The following DAB1 variants were observed in gnomAD, a reference collection of about 807,000 sequenced individuals.
DAB1 encodes disabled homolog 1.
In DAB1, 15 loss-of-function variants were observed where a neutral mutation model predicts 64.6. That is an observed-to-expected ratio of 0.23 (90% confidence interval 0.16 to 0.36). The LOEUF is 0.36. DAB1 is among the 10% of genes least tolerant of loss of function. DAB1 has a pLI of 1.00. For synonymous variants in DAB1, 235 were observed against 251.9 expected (o/e 0.93, Z 0.64); for missense variants, 596 against 706.7 (o/e 0.84, Z 1.78).
At chr1:58,298,724 G>A (rs1662048777) in intron 4 of DAB1, among the ~76,000 whole-genome samples, 1 of 152,348 alleles carries the variant, frequency 6.6e-6, no homozygotes, top group Middle Eastern at 3.4e-3. Context: ...GGCCCAGGCC[G>A]AAGGCTGACT....
intron 7 of DAB1, among the ~76,000 whole-genome samples, chr1:57,449,919 C>T (rs904078781): frequency 6.6e-6 from 1 of 152,182 alleles, no homozygotes; most frequent in Non-Finnish European, 1.5e-5. Context: ...AACTATATAG[C>T]AGGCTCTGTA....
At chr1:58,524,064 G>A (rs1473478299) in intron 2 of DAB1, among the ~76,000 whole-genome samples, 1 of 152,142 alleles carries the variant, frequency 6.6e-6, no homozygotes, top group African/African-American at 2.4e-5. Flanking sequence ...TTCCTTAGAG[G>A]CTCAGGGGTT....
intron 3 of DAB1, among the ~76,000 whole-genome samples, chr1:58,479,618 C>T (rs1645453108): frequency 6.6e-6 from 1 of 152,134 alleles, no homozygotes; most frequent in Admixed American, 6.6e-5. Flanking sequence ...CTACAGAAAA[C>T]ACAAGTGGTC....
intron 5 of DAB1, among the ~76,000 whole-genome samples, chr1:58,130,504 T>C (rs1266892179): frequency 1.3e-5 from 2 of 152,126 alleles, no homozygotes; most frequent in Admixed American, 6.5e-5. Context: ...GTCATTATGA[T>C]GTTAGCTGGT....
At chr1:57,316,018 C>T (rs1409862107) in intron 1 of DAB1, among the ~76,000 whole-genome samples, 1 of 152,114 alleles carries the variant, frequency 6.6e-6, no homozygotes, top group Non-Finnish European at 1.5e-5. Flanking sequence ...TATTACCACC[C>T]CAATTTAAAG....
At chr1:58,470,650 T>C (rs1645347472) in intron 3 of DAB1, among the ~76,000 whole-genome samples, 1 of 152,178 alleles carries the variant, frequency 6.6e-6, no homozygotes, top group South Asian at 2.1e-4. Context: ...CTTTTTTGCC[T>C]ATTGTTTGGG....
chr1:58,224,760 G>A (rs533033089), intron 4 of DAB1, among the ~76,000 whole-genome samples: 22 of 152,152 alleles, frequency 1.4e-4, no homozygotes, highest in Non-Finnish European at 2.6e-4. Flanking sequence ...CTAGCCATAT[G>A]TAGAAAGCTG....
At chr1:57,189,765 G>T (rs1163853032) in intron 2 of DAB1, among the ~76,000 whole-genome samples, 1 of 151,720 alleles carries the variant, frequency 6.6e-6, no homozygotes, top group Non-Finnish European at 1.5e-5. Context: ...TAAAAAGACA[G>T]GCAGGCTTGC....
At chr1:57,724,870 G>A (rs1647190872) in intron 6 of DAB1, among the ~76,000 whole-genome samples, 2 of 152,144 alleles carry the variant, frequency 1.3e-5, no homozygotes. Context: ...CCACCTATGT[G>A]GCACAGTGTC....
At chr1:57,836,747 G>A (rs753499055) in intron 1 of DAB1, among the ~76,000 whole-genome samples, 8 of 152,130 alleles carry the variant, frequency 5.3e-5, no homozygotes, top group Non-Finnish European at 5.9e-5. Context: ...AACAGAGATC[G>A]TATCTTTTTT....
intron 6 of DAB1, among the ~76,000 whole-genome samples, chr1:57,686,691 A>C (rs879210346): frequency 6.6e-6 from 1 of 152,190 alleles, no homozygotes; most frequent in African/African-American, 2.4e-5. Flanking sequence ...AGCACATATA[A>C]AAGTTAATAC....
At chr1:58,450,227 A>C (rs1645117449) in intron 3 of DAB1, among the ~76,000 whole-genome samples, 1 of 152,222 alleles carries the variant, frequency 6.6e-6, no homozygotes, top group Non-Finnish European at 1.5e-5. Flanking sequence ...ACTTCAAGTA[A>C]GAGCAAACTG....
intron 3 of DAB1, among the ~76,000 whole-genome samples, chr1:58,347,147 G>T (rs1050439253): frequency 6.6e-6 from 1 of 152,102 alleles, no homozygotes; most frequent in Non-Finnish European, 1.5e-5. Context: ...CGCTCTTGTT[G>T]CCCAGACTGG....
At chr1:57,210,125 C>T (rs933309309) in intron 2 of DAB1, among the ~76,000 whole-genome samples, 3 of 152,088 alleles carry the variant, frequency 2.0e-5, no homozygotes, top group African/African-American at 2.4e-5. Flanking sequence ...ATGTCTAAAA[C>T]GGTGCTTAAA....
At chr1:57,151,792 C>G (rs532985414) in intron 2 of DAB1, among the ~76,000 whole-genome samples, 3 of 140,304 alleles carry the variant, frequency 2.1e-5, no homozygotes, top group African/African-American at 8.0e-5. Context: ...CTGAAAATTT[C>G]TTTTCTAATG....
At chr1:57,389,416 C>T (rs1221304889) in intron 1 of DAB1, among the ~76,000 whole-genome samples, 1 of 152,146 alleles carries the variant, frequency 6.6e-6, no homozygotes, top group Non-Finnish European at 1.5e-5. Context: ...CTACTCAGCA[C>T]AATCCAAGAT....
At chr1:57,062,752 T>G (rs1650525802) in intron 9 of DAB1, 132 bp downstream of exon 9, 2 of 732,398 alleles carry the variant, frequency 2.7e-6, no homozygotes, top group East Asian at 5.3e-5. Flanking sequence ...TGCCCCAGCA[T>G]GCAGTCCCCA....
intron 3 of DAB1, among the ~76,000 whole-genome samples, chr1:58,501,255 C>CT (rs1645902447): frequency 6.6e-6 from 1 of 152,030 alleles, no homozygotes; most frequent in Non-Finnish European, 1.5e-5. Flanking sequence ...CAAAGGTTTG[C>CT]TTTTTTTTCT....
At chr1:57,277,987 A>C (rs1322946247) in intron 2 of DAB1, among the ~76,000 whole-genome samples, 1 of 152,216 alleles carries the variant, frequency 6.6e-6, no homozygotes, top group Non-Finnish European at 1.5e-5. Context: ...TCCCAAATTT[A>C]AGGAATGTGA....
Sources: allele counts gnomAD v4.1 joint callset (sites outside exome capture counted in the v4.1 genomes callset), GRCh38; gene constraint gnomAD v4.1.1; transcripts MANE v1.5; gene names NCBI Gene and HGNC (gene_info 2026-07-23, HGNC 2026-07-21).